The following CHLSN variants were observed in gnomAD, a reference collection of about 807,000 sequenced individuals.
The protein encoded by CHLSN is protein cholesin.
At chr7:1,107,976 T>C in the CHLSN span, among the ~76,000 whole-genome samples, 1 of 125,408 alleles carries the variant, frequency 8.0e-6, no homozygotes, top group African/African-American at 3.6e-5. Flanking sequence ...TGTCCCGCAC[T>C]GGAGACCCGC....
chr7:1,063,999 G>A, the CHLSN span, among the ~76,000 whole-genome samples: 17 of 152,248 alleles, frequency 1.1e-4, no homozygotes, highest in African/African-American at 3.1e-4. Context: ...GGGGGCAGGG[G>A]GACTAGCCAC....
At chr7:1,027,456 ACCTGCCCGGGCCACCG>A in the CHLSN span, among the ~76,000 whole-genome samples, 2 of 152,118 alleles carry the variant, frequency 1.3e-5, no homozygotes, top group Non-Finnish European at 2.9e-5. Context: ...CGGGGCCGCC[ACCTGCCCGGGCCACCG>A]CCTCCTCAGA....
the CHLSN span, among the ~76,000 whole-genome samples, chr7:1,070,991 CACACACGT>C: frequency 1.3e-3 from 192 of 151,622 alleles, no homozygotes; most frequent in Non-Finnish European, 2.0e-3. Context: ...CACGGGCACA[CACACACGT>C]GCACACGCAC....
the CHLSN span, chr7:1,028,782 A>T: frequency 1.3e-6 from 1 of 768,354 alleles, no homozygotes; most frequent in Non-Finnish European, 1.5e-6. Flanking sequence ...GTCTGCCGCC[A>T]TCTGTCCCTA....
chr7:1,049,678 A>G, the CHLSN span, among the ~76,000 whole-genome samples: 1 of 152,204 alleles, frequency 6.6e-6, no homozygotes, highest in Non-Finnish European at 1.5e-5. Context: ...CAGGCTTACT[A>G]CGAAGCCCTG....
chr7:1,071,358 G>C, the CHLSN span, among the ~76,000 whole-genome samples: 2 of 152,340 alleles, frequency 1.3e-5, no homozygotes, highest in African/African-American at 4.8e-5. Context: ...GGAAGGTGCT[G>C]TGGCCCCGGG....
At chr7:1,042,729 G>A in the CHLSN span, among the ~76,000 whole-genome samples, 2 of 152,146 alleles carry the variant, frequency 1.3e-5, no homozygotes, top group Admixed American at 6.5e-5. Flanking sequence ...GACCCACAGA[G>A]CCTGGCATTA....
At chr7:1,069,817 G>A in the CHLSN span, among the ~76,000 whole-genome samples, 6 of 53,092 alleles carry the variant, frequency 1.1e-4, no homozygotes, top group African/African-American at 7.2e-4. Flanking sequence ...CCCATCGTCT[G>A]GGATGTGAGG....
chr7:1,127,668 CCCACCG>C, the CHLSN span, among the ~76,000 whole-genome samples: 495 of 72,008 alleles, frequency 6.9e-3, 87 homozygotes, highest in East Asian at 0.013. Flanking sequence ...CTCGGCTCAT[CCCACCG>C]TCACCCGGGC....
chr7:1,085,960 G>A, the CHLSN span, among the ~76,000 whole-genome samples: 847 of 152,306 alleles, frequency 5.6e-3, 6 homozygotes, highest in African/African-American at 0.019. Context: ...CCTGCAGTCC[G>A]GGCCCTGTCT....
At chr7:986,768 T>C in the CHLSN span, 1 of 1,595,036 alleles carries the variant, frequency 6.3e-7, no homozygotes, top group Non-Finnish European at 8.5e-7. Flanking sequence ...CGTGTGCAGC[T>C]ATGTGGACGC....
chr7:1,000,317 G>A, the CHLSN span, among the ~76,000 whole-genome samples: 1 of 142,250 alleles, frequency 7.0e-6, no homozygotes, highest in South Asian at 2.2e-4. Flanking sequence ...CAGCCCCCGG[G>A]AGACGTGCCT....
the CHLSN span, among the ~76,000 whole-genome samples, chr7:980,684 C>CTTTT: frequency 1.0e-5 from 1 of 97,032 alleles, no homozygotes; most frequent in Non-Finnish European, 2.0e-5. Flanking sequence ...GTAACAGTTA[C>CTTTT]TTTTTTTTTT....
At chr7:1,081,573 C>G in the CHLSN span, among the ~76,000 whole-genome samples, 1 of 152,196 alleles carries the variant, frequency 6.6e-6, no homozygotes, top group Non-Finnish European at 1.5e-5. Flanking sequence ...AAGCTGAGAC[C>G]CAGGGCTCAG....
the CHLSN span, among the ~76,000 whole-genome samples, chr7:1,046,053 G>GT: frequency 6.6e-6 from 1 of 151,902 alleles, no homozygotes; most frequent in African/African-American, 2.4e-5. Context: ...GTGGGTCTTA[G>GT]GTTAGGATGT....
chr7:1,080,453 G>A, the CHLSN span, among the ~76,000 whole-genome samples: 4 of 152,294 alleles, frequency 2.6e-5, no homozygotes, highest in South Asian at 6.2e-4. Context: ...ACACGCACAG[G>A]TGCCACCCGC....
chr7:1,126,532 C>T, the CHLSN span, among the ~76,000 whole-genome samples: 1 of 151,698 alleles, frequency 6.6e-6, no homozygotes, highest in Non-Finnish European at 1.5e-5. Flanking sequence ...ATACAAAAAA[C>T]TAGTCGGGCG....
the CHLSN span, chr7:1,092,263 G>A: frequency 2.5e-6 from 4 of 1,612,184 alleles, no homozygotes; most frequent in Non-Finnish European, 3.4e-6. Flanking sequence ...GCTGAGCTGT[G>A]GCCTCATCTG....
the CHLSN span, among the ~76,000 whole-genome samples, chr7:1,070,719 C>CAG: frequency 6.6e-6 from 1 of 150,794 alleles, no homozygotes; most frequent in African/African-American, 2.4e-5. Context: ...AACACGCACA[C>CAG]GCGCACACAT....
Sources: gnomAD v4.1 joint callset for allele counts (sites outside exome capture counted in the v4.1 genomes callset) on GRCh38, gnomAD v4.1.1 for gene constraint, MANE v1.5 for transcripts, NCBI Gene and HGNC (gene_info 2026-07-23, HGNC 2026-07-21) for gene names.